The following PRKN variants were observed in gnomAD, a reference collection of about 807,000 sequenced individuals.
PRKN encodes E3 ubiquitin-protein ligase parkin.
A neutral mutation model predicts 59.5 loss-of-function variants in PRKN; 56 were observed. That is an observed-to-expected ratio of 0.94 (90% CI 0.76 to 1.18). The LOEUF (loss-of-function observed/expected upper bound fraction) is 1.18. Among genes scored for constraint, PRKN ranks in the 50% most tolerant of loss-of-function variants. The pLI, the probability that PRKN is intolerant of heterozygous loss-of-function variation, is 0.00. For synonymous variants in PRKN, 250 were observed against 222.1 expected, an observed-to-expected ratio of 1.13 and a Z score of -1.12; for missense variants, 657 against 596.4, an observed-to-expected ratio of 1.10 and a Z score of -1.06.
chr6:162,687,936 A>G (rs955821361), intron 1 of PRKN, among the ~76,000 whole-genome samples: 5 of 152,200 alleles, frequency 3.3e-5, no homozygotes, highest in African/African-American at 1.2e-4. Flanking sequence ...TTAGAATAAA[A>G]AAAGGAACAT....
chr6:161,368,382 GATATATATAT>G (rs34367069), intron 10 of PRKN, among the ~76,000 whole-genome samples: 1 of 99,328 alleles, frequency 1.0e-5, no homozygotes, highest in Non-Finnish European at 2.0e-5. Context: ...CCTCAGTCTT[GATATATATAT>G]ATATATATAT....
intron 6 of PRKN, among the ~76,000 whole-genome samples, chr6:161,877,481 A>G (rs1362027134): frequency 6.9e-6 from 1 of 144,598 alleles, no homozygotes; most frequent in East Asian, 2.0e-4. Flanking sequence ...TTTTTTTGAG[A>G]CAGAGCCTCG....
intron 2 of PRKN, among the ~76,000 whole-genome samples, chr6:162,308,144 CA>C (rs1782317712): frequency 6.6e-6 from 1 of 152,082 alleles, no homozygotes; most frequent in Non-Finnish European, 1.5e-5. Flanking sequence ...ACACATGTCT[CA>C]GTTGTTTGTA....
chr6:161,452,889 T>C (rs914632927), intron 9 of PRKN, among the ~76,000 whole-genome samples: 1 of 151,466 alleles, frequency 6.6e-6, no homozygotes, highest in Admixed American at 6.6e-5. Flanking sequence ...CATATATATT[T>C]TATATATATA....
chr6:162,216,789 A>G (rs1777693628), intron 3 of PRKN, among the ~76,000 whole-genome samples: 1 of 152,140 alleles, frequency 6.6e-6, no homozygotes, highest in South Asian at 2.1e-4. Flanking sequence ...ACCAAGTTGC[A>G]TTACAATGAT....
intron 9 of PRKN, among the ~76,000 whole-genome samples, chr6:161,512,614 T>C (rs1046825471): frequency 6.6e-6 from 1 of 152,186 alleles, no homozygotes; most frequent in African/African-American, 2.4e-5. Flanking sequence ...ATACAAGGTT[T>C]GTCATTAACT....
chr6:162,528,251 G>C (rs527573358), intron 1 of PRKN, among the ~76,000 whole-genome samples: 258 of 151,882 alleles, frequency 1.7e-3, no homozygotes, highest in African/African-American at 6.0e-3. Flanking sequence ...GAACCCGGGA[G>C]GTGGAGGTTG....
At chr6:162,606,897 G>A (rs1781943287) in intron 1 of PRKN, among the ~76,000 whole-genome samples, 1 of 152,058 alleles carries the variant, frequency 6.6e-6, no homozygotes. Flanking sequence ...ATTTTTAGTA[G>A]AGCCAGGTTT....
chr6:161,812,192 G>C (rs1791592232), intron 6 of PRKN, among the ~76,000 whole-genome samples: 1 of 152,054 alleles, frequency 6.6e-6, no homozygotes, highest in Non-Finnish European at 1.5e-5. Context: ...ATTGAGGCCA[G>C]CCTGGGCAAC....
At chr6:162,312,303 C>T (rs562244539) in intron 2 of PRKN, among the ~76,000 whole-genome samples, 2 of 152,172 alleles carry the variant, frequency 1.3e-5, no homozygotes, top group East Asian at 3.9e-4. Context: ...GCCTTTGTTT[C>T]CTTTCTGATT....
At chr6:161,756,236 G>C (rs987185069) in intron 7 of PRKN, among the ~76,000 whole-genome samples, 8 of 152,126 alleles carry the variant, frequency 5.3e-5, no homozygotes, top group Non-Finnish European at 4.4e-5. Flanking sequence ...GATGTCAGGA[G>C]TTCGAGATCA....
intron 7 of PRKN, among the ~76,000 whole-genome samples, chr6:161,719,987 T>C (rs1787152201): frequency 6.6e-6 from 1 of 152,142 alleles, no homozygotes; most frequent in South Asian, 2.1e-4. Context: ...CTCGTGTAAC[T>C]CCAGTTTTGC....
chr6:162,408,900 C>T (rs1788206160), intron 2 of PRKN, among the ~76,000 whole-genome samples: 1 of 151,444 alleles, frequency 6.6e-6, no homozygotes. Context: ...CTCTTCCTTC[C>T]CCTCTTCTTC....
Position 161,352,513 on chromosome 6 carries a change from C to G in PRKN, c.1286-2302G>C, listed in dbSNP as rs1784588007. ...TGTTATATGGTGTGACATTATAAAA[C>G]CACTTGTTTCTCTAAAATATCATAA... is the stretch of plus-strand genomic sequence containing the variant. On this transcript the variant is annotated intron_variant, in intron 11 of 11. Coordinates refer to ENST00000366898, the MANE Select transcript of PRKN (RefSeq NM_004562.3). This position sits in a 1 kb window ranked among gnomAD's most constrained non-coding sequence, Gnocchi z 5.8. 6.6e-6 allele frequency among the ~76,000 whole-genome samples: 1 copy of G among 151,620 alleles called. No homozygotes were observed. The highest frequency in any genetic ancestry group is 2.1e-4 in the South Asian group (1 of 4,824).
Position 161,378,346 on chromosome 6 carries a change from G to A in PRKN, c.1167+8448C>T, listed in dbSNP as rs1267988222. On this transcript the variant is annotated intron_variant, in intron 10 of 11. Coordinates refer to ENST00000366898, the MANE Select transcript of PRKN (RefSeq NM_004562.3). The surrounding 1 kb of genome is among the most constrained non-coding windows in gnomAD (Gnocchi z 7.3). ...TGGTGGTGAGGTGAAGCCCTGCCAGGCCCCCCAGCTCGGGCATCCCCCCAT... is the reference window on the plus strand; with the variant it reads ...TGGTGGTGAGGTGAAGCCCTGCCAGACCCCCCAGCTCGGGCATCCCCCCAT... Among the ~76,000 whole-genome samples, 1 of 152,090 alleles carries A rather than the reference G, an allele frequency of 6.6e-6. No homozygotes were observed. The highest frequency in any genetic ancestry group is 2.4e-5 in the African/African-American group (1 of 41,414).
intron 9 of PRKN, among the ~76,000 whole-genome samples, chr6:161,519,458 T>G (rs1042696106): frequency 2.0e-5 from 3 of 152,032 alleles, no homozygotes; most frequent in African/African-American, 7.2e-5. Flanking sequence ...TAGTAACATA[T>G]CTCCCTCCAA....
chr6:161,957,574 G>A (rs1274787985), intron 6 of PRKN, among the ~76,000 whole-genome samples: 4 of 151,894 alleles, frequency 2.6e-5, no homozygotes, highest in East Asian at 1.9e-4. Flanking sequence ...ACAAGTGTGC[G>A]CCACCACGCT....
At chr6:161,781,075 C>G (rs571117198) in intron 7 of PRKN, among the ~76,000 whole-genome samples, 6 of 152,140 alleles carry the variant, frequency 3.9e-5, no homozygotes, top group Non-Finnish European at 5.9e-5. Context: ...CGAACCATGC[C>G]ATGTGGAAGA....
intron 1 of PRKN, among the ~76,000 whole-genome samples, chr6:162,484,268 T>C (rs1358487954): frequency 2.6e-5 from 4 of 152,284 alleles, no homozygotes; most frequent in South Asian, 2.1e-4. Context: ...ATGAAAAAGA[T>C]CATTCTAAAT....
Sources: gnomAD v4.1 joint callset for allele counts (sites outside exome capture counted in the v4.1 genomes callset) on GRCh38, gnomAD v4.1.1 for gene constraint, Gnocchi (gnomAD v3.1) non-coding constraint, MANE v1.5 for transcripts, NCBI Gene and HGNC (gene_info 2026-07-23, HGNC 2026-07-21) for gene names.